The following MAPKAPK2 variants were observed in gnomAD, a reference collection of about 807,000 sequenced individuals.
MAPKAPK2 encodes the protein MAP kinase-activated protein kinase 2.
MAPKAPK2 carries 9 observed loss-of-function variants against 48.8 expected under a neutral mutation model. The ratio of observed to expected loss-of-function variants is 0.18; its 90% CI spans 0.11 to 0.32. MAPKAPK2 has a LOEUF of 0.32. Ranked by LOEUF, MAPKAPK2 falls within the 10% of genes least tolerant of loss-of-function variation. The pLI, the probability that MAPKAPK2 is intolerant of heterozygous loss-of-function variation, is 1.00. For synonymous variants in MAPKAPK2, 202 were observed against 190.6 expected, an observed-to-expected ratio of 1.06 and a Z score of -0.49; for missense variants, 331 against 498.3, an observed-to-expected ratio of 0.66 and a Z score of 3.20.
At chr1:206,692,419 G>C (rs557497274) in intron 1 of MAPKAPK2, among the ~76,000 whole-genome samples, 1 of 152,330 alleles carries the variant, frequency 6.6e-6, no homozygotes, top group South Asian at 2.1e-4. Flanking sequence ...GGGTTGCCTG[G>C]TGATGTCTGT....
intron 1 of MAPKAPK2, among the ~76,000 whole-genome samples, chr1:206,697,264 A>G (rs559119255): frequency 6.6e-6 from 1 of 152,324 alleles, no homozygotes; most frequent in South Asian, 2.1e-4. Context: ...ACACAGATGC[A>G]GTCCATTGTT....
At chr1:206,715,786 C>T (rs912300492) in intron 1 of MAPKAPK2, among the ~76,000 whole-genome samples, 4 of 151,590 alleles carry the variant, frequency 2.6e-5, no homozygotes, top group African/African-American at 7.3e-5. Flanking sequence ...GCCACCATGC[C>T]CTGCTAATTT....
At chr1:206,717,629 T>G (rs1558583282) in intron 1 of MAPKAPK2, among the ~76,000 whole-genome samples, 1 of 152,180 alleles carries the variant, frequency 6.6e-6, no homozygotes, top group South Asian at 2.1e-4. Context: ...CCTAGAGTTA[T>G]GCAAGGCCTC....
intron 2 of MAPKAPK2, 26 bp downstream of exon 2, chr1:206,728,875 G>A: frequency 1.2e-6 from 2 of 1,613,058 alleles, no homozygotes; most frequent in Non-Finnish European, 1.7e-6. Context: ...TCTAGTCCCG[G>A]CCCAGCCTGT....
chr1:206,730,822 C>T (rs1673877084), intron 6 of MAPKAPK2, 59 bp downstream of exon 6: 1 of 1,551,026 alleles, frequency 6.4e-7, no homozygotes, highest in African/African-American at 1.4e-5. Context: ...CTGTACTTCT[C>T]CAGGACAAGA....
At chr1:206,697,934 A>G (rs1199300875) in intron 1 of MAPKAPK2, among the ~76,000 whole-genome samples, 1 of 152,400 alleles carries the variant, frequency 6.6e-6, no homozygotes, top group East Asian at 1.9e-4. Context: ...TCCTCATTGT[A>G]AATCAACAGG....
intron 1 of MAPKAPK2, among the ~76,000 whole-genome samples, chr1:206,685,984 G>A (rs1553425558): frequency 6.6e-6 from 1 of 152,132 alleles, no homozygotes; most frequent in Non-Finnish European, 1.5e-5. Flanking sequence ...ATTTAGCCTC[G>A]CTCCTTATTT....
At chr1:206,688,689 G>A (rs1321403970) in intron 1 of MAPKAPK2, among the ~76,000 whole-genome samples, 1 of 152,090 alleles carries the variant, frequency 6.6e-6, no homozygotes, top group African/African-American at 2.4e-5. Flanking sequence ...CCAGGTTAGA[G>A]TGCAGTAGCA....
chr1:206,709,433 A>G (rs2102395422), intron 1 of MAPKAPK2, among the ~76,000 whole-genome samples: 1 of 152,328 alleles, frequency 6.6e-6, no homozygotes, highest in African/African-American at 2.4e-5. Flanking sequence ...GGAGAAATAT[A>G]GAGTGTGGGT....
In MAPKAPK2 at chr1:206,731,211, A is replaced by C; in HGVS notation, c.841A>C (p.Met281Leu). 1 of 1,614,144 alleles carries C rather than the reference A, an allele frequency of 6.2e-7. No homozygotes were observed. Among genetic ancestry groups the C allele is most frequent in the Non-Finnish European group, 8.5e-7 (1 of 1,180,028 alleles). ...TCCGGGCATGAAGACTCGCATCCGAATGGGCCAGTATGAATTTCCCAACCC... is the reference window on the plus strand; with the variant it reads ...TCCGGGCATGAAGACTCGCATCCGACTGGGCCAGTATGAATTTCCCAACCC... ...ISPGMKTRIR[M>L]GQYEFPNPEW... Residue 281 changes from methionine (M) to leucine (L), a missense_variant, in exon 7 of 10, where the codon ATG becomes CTG. By Grantham distance (15) the Met-to-Leu change is conservative. This residue lies in a region of MAPKAPK2 where 124 missense variants were observed against 194.6 expected (regional missense o/e 0.64). Coordinates refer to ENST00000367103, the MANE Select transcript of MAPKAPK2 (RefSeq NM_032960.4). The surrounding 1 kb of genome is among the most constrained non-coding windows in gnomAD (Gnocchi z 5.9).
At chr1:206,730,872 G>C in intron 6 of MAPKAPK2, 109 bp downstream of exon 6, 7 of 1,178,252 alleles carry the variant, frequency 5.9e-6, no homozygotes, top group South Asian at 1.3e-5. Context: ...GTACAGGGGA[G>C]TCCCCTGCGT....
chr1:206,728,946 T>C, intron 2 of MAPKAPK2, 89 bp from the exon 3 acceptor site: 2 of 1,612,166 alleles, frequency 1.2e-6, no homozygotes, highest in South Asian at 1.1e-5. Flanking sequence ...GCCTGAAGCC[T>C]GGAATGTAAA....
intron 1 of MAPKAPK2, among the ~76,000 whole-genome samples, chr1:206,719,427 A>G (rs568590495): frequency 1.3e-5 from 2 of 152,304 alleles, no homozygotes; most frequent in Admixed American, 6.5e-5. Context: ...ACTTTTCCCC[A>G]TCATATTAAT....
At chr1:206,685,898 T>A (rs1477525993) in intron 1 of MAPKAPK2, among the ~76,000 whole-genome samples, 1 of 152,186 alleles carries the variant, frequency 6.6e-6, no homozygotes, top group African/African-American at 2.4e-5. Context: ...TTTTTCTCTC[T>A]CTGCGGGCAC....
chr1:206,714,461 T>G (rs1553430011), intron 1 of MAPKAPK2, among the ~76,000 whole-genome samples: 1 of 152,086 alleles, frequency 6.6e-6, no homozygotes, highest in Non-Finnish European at 1.5e-5. Flanking sequence ...TCCCCTTCCC[T>G]TTAAACAAAC....
intron 1 of MAPKAPK2, among the ~76,000 whole-genome samples, chr1:206,694,394 A>G (rs1257053071): frequency 6.6e-6 from 1 of 152,192 alleles, no homozygotes; most frequent in Non-Finnish European, 1.5e-5. Flanking sequence ...GCAAGGAAAG[A>G]TTTATCTGCC....
At chr1:206,691,799 A>G (rs1328244075) in intron 1 of MAPKAPK2, among the ~76,000 whole-genome samples, 1 of 152,088 alleles carries the variant, frequency 6.6e-6, no homozygotes, top group African/African-American at 2.4e-5. Context: ...TCTGACCATC[A>G]GCAGTATCTG....
intron 1 of MAPKAPK2, among the ~76,000 whole-genome samples, chr1:206,718,946 C>T (rs185408905): frequency 9.8e-4 from 150 of 152,292 alleles, no homozygotes; most frequent in Non-Finnish European, 1.6e-3. Flanking sequence ...CAGATCTTTG[C>T]ATAAACCTGG....
In MAPKAPK2 at chr1:206,700,774, A is replaced by G. The variant is rs548659907; in HGVS notation, c.279+15266A>G. On this transcript the variant is annotated intron_variant, in intron 1 of 9. Coordinates refer to ENST00000367103, the MANE Select transcript of MAPKAPK2 (RefSeq NM_032960.4). ...CCCTTGGACTTCTATACCCTAGTAG[A>G]GCCAAAAGTTCCAGTACAAACCAGT... Among the ~76,000 whole-genome samples, 98 of 152,310 alleles carry G rather than the reference A, an allele frequency of 6.4e-4. 1 individual carries two copies. The highest frequency in any genetic ancestry group is 4.9e-4 in the Non-Finnish European group (33 of 68,028).
Sources: allele counts gnomAD v4.1 joint callset (sites outside exome capture counted in the v4.1 genomes callset), GRCh38; gene constraint gnomAD v4.1.1; regional missense constraint gnomAD v4.1.1; non-coding constraint Gnocchi (gnomAD v3.1); transcripts MANE v1.5; gene names NCBI Gene and HGNC (gene_info 2026-07-23, HGNC 2026-07-21).